Variants in ARHGAP24 observed in about 807,000 individuals in gnomAD.
ARHGAP24 encodes the protein Rho GTPase activating protein 24, also known as rho GTPase-activating protein 24.
In ARHGAP24, 50 loss-of-function variants were observed where a neutral mutation model predicts 76.4. The observed-to-expected ratio is 0.65, with a 90% confidence interval of 0.52 to 0.83. The LOEUF is 0.83. Among genes scored for constraint, ARHGAP24 ranks in the 40% least tolerant of loss-of-function variants. ARHGAP24 has a pLI of 0.00. For missense variants in ARHGAP24, 930 were observed against 914.2 expected, an observed-to-expected ratio of 1.02 and a Z score of -0.22; for synonymous variants, 345 against 323.3, an observed-to-expected ratio of 1.07 and a Z score of -0.72.
At chr4:85,683,124 G>GGGGGGGGGGGGGGT (rs1723284536) in intron 2 of ARHGAP24, among the ~76,000 whole-genome samples, 2 of 110,046 alleles carry the variant, frequency 1.8e-5, no homozygotes, top group East Asian at 4.0e-4. Flanking sequence ...GGGTGGGGGG[G>GGGGGGGGGGGGGGT]GGGTGCGGGG....
chr4:85,872,996 A>T (rs1196873021), intron 3 of ARHGAP24, among the ~76,000 whole-genome samples: 1 of 152,212 alleles, frequency 6.6e-6, no homozygotes, highest in African/African-American at 2.4e-5. Flanking sequence ...AAGCATCATT[A>T]GCCATAAGAT....
intron 5 of ARHGAP24, among the ~76,000 whole-genome samples, chr4:85,957,808 C>T (rs1738010688): frequency 6.6e-6 from 1 of 152,278 alleles, no homozygotes; most frequent in South Asian, 2.1e-4. Context: ...TGAGAAATAC[C>T]TCCATGAATG....
At chr4:85,968,483 A>G (rs1298340110) in intron 5 of ARHGAP24, among the ~76,000 whole-genome samples, 1 of 152,178 alleles carries the variant, frequency 6.6e-6, no homozygotes, top group African/African-American at 2.4e-5. Context: ...TTGGTTAAAC[A>G]TATTGAAGTA....
At chr4:85,789,044 G>C (rs916920812) in intron 3 of ARHGAP24, among the ~76,000 whole-genome samples, 5 of 151,946 alleles carry the variant, frequency 3.3e-5, no homozygotes, top group Non-Finnish European at 7.4e-5. Flanking sequence ...TGTGGCTGGA[G>C]CCCCTAGATA....
intron 8 of ARHGAP24, among the ~76,000 whole-genome samples, chr4:85,988,555 G>A (rs7679822): frequency 0.3 from 45,348 of 150,610 alleles, 7,582 homozygotes; most frequent in African/African-American, 0.45. Flanking sequence ...AATAAACTGA[G>A]GTATTAGGTA....
At chr4:85,919,375 C>T (rs966675424) in intron 3 of ARHGAP24, among the ~76,000 whole-genome samples, 3 of 152,262 alleles carry the variant, frequency 2.0e-5, no homozygotes, top group Middle Eastern at 3.4e-3. Context: ...ATGGCACTTT[C>T]AGTTAGAAAT....
intron 3 of ARHGAP24, among the ~76,000 whole-genome samples, chr4:85,753,368 C>T (rs1270442015): frequency 6.6e-6 from 1 of 152,138 alleles, no homozygotes; most frequent in Non-Finnish European, 1.5e-5. Flanking sequence ...GGAGGAAACT[C>T]AAGTACATAT....
chr4:85,750,205 C>T (rs1053157512), intron 3 of ARHGAP24, among the ~76,000 whole-genome samples: 1 of 152,048 alleles, frequency 6.6e-6, no homozygotes, highest in Non-Finnish European at 1.5e-5. Context: ...GTGATAAGTG[C>T]TATGTTTTTC....
At chr4:85,681,177 AT>A (rs1262986003) in intron 2 of ARHGAP24, among the ~76,000 whole-genome samples, 1 of 151,778 alleles carries the variant, frequency 6.6e-6, no homozygotes, top group East Asian at 1.9e-4. Flanking sequence ...TCTTTTCTCA[AT>A]TTTTTTATGA....
intron 2 of ARHGAP24, among the ~76,000 whole-genome samples, chr4:85,637,692 A>T (rs1721379637): frequency 6.6e-6 from 1 of 152,118 alleles, no homozygotes; most frequent in South Asian, 2.1e-4. Flanking sequence ...GTTGAAATAA[A>T]AATATTTTGA....
At chr4:85,557,216 G>A (rs768145677) in intron 1 of ARHGAP24, among the ~76,000 whole-genome samples, 1 of 151,062 alleles carries the variant, frequency 6.6e-6, no homozygotes, top group Non-Finnish European at 1.5e-5. Context: ...CCTGCAAGGT[G>A]CAGTGGAGGC....
intron 2 of ARHGAP24, among the ~76,000 whole-genome samples, chr4:85,625,624 C>T (rs1720917294): frequency 6.6e-6 from 1 of 152,064 alleles, no homozygotes; most frequent in South Asian, 2.1e-4. Context: ...TCCTGGATAT[C>T]CTTGTTAACT....
intron 2 of ARHGAP24, among the ~76,000 whole-genome samples, chr4:85,574,428 G>T (rs1181274099): frequency 6.6e-6 from 1 of 152,206 alleles, no homozygotes; most frequent in Non-Finnish European, 1.5e-5. Flanking sequence ...CCTGACCTGG[G>T]ATTTTGAAGG....
At chr4:85,946,805 T>C (rs979511904) in intron 5 of ARHGAP24, among the ~76,000 whole-genome samples, 1 of 152,236 alleles carries the variant, frequency 6.6e-6, no homozygotes, top group Non-Finnish European at 1.5e-5. Context: ...GGTGTATGTG[T>C]CTTTTTGCTA....
intron 3 of ARHGAP24, among the ~76,000 whole-genome samples, chr4:85,839,843 CTTTTTTTTTT>C (rs33974767): frequency 0.01 from 1,078 of 105,636 alleles, 18 homozygotes; most frequent in African/African-American, 0.039. Context: ...TTTCTGTTTT[CTTTTTTTTTT>C]TTTTTTTTTT....
At chr4:85,918,101 A>G (rs1735522664) in intron 3 of ARHGAP24, among the ~76,000 whole-genome samples, 1 of 152,124 alleles carries the variant, frequency 6.6e-6, no homozygotes, top group Non-Finnish European at 1.5e-5. Context: ...CATGGTTAAC[A>G]TCTGGAAATT....
rs1043404313 is a variant in ARHGAP24 at position 85,994,955 on chromosome 4, C to T, written c.1301C>T (p.Thr434Ile). ...PAFNKGSGIV[T>I]NGSFSSSNAE... Reference sequence around the variant, plus strand: ...TTTAATAAGGGTAGTGGGATAGTTACCAATGGGTCCTTCAGCAGCAGTAAT... The same window carrying T: ...TTTAATAAGGGTAGTGGGATAGTTATCAATGGGTCCTTCAGCAGCAGTAAT... The change falls in exon 9 of 10, where the codon ACC becomes ATC. Residue 434 changes from threonine to isoleucine, a missense_variant. Coordinates refer to ENST00000395184, the MANE Select transcript of ARHGAP24 (RefSeq NM_001025616.3). 1 of 1,614,044 alleles carries T rather than the reference C, an allele frequency of 6.2e-7. No homozygotes were observed. Among genetic ancestry groups the T allele is most frequent in the Non-Finnish European group, 8.5e-7 (1 of 1,180,002 alleles).
At chr4:85,905,562 A>G (rs564760056) in intron 3 of ARHGAP24, among the ~76,000 whole-genome samples, 27 of 152,208 alleles carry the variant, frequency 1.8e-4, no homozygotes, top group Non-Finnish European at 3.5e-4. Flanking sequence ...GTTTCCTTGA[A>G]AATGTCTGCA....
At chr4:85,785,161 A>C (rs2110089009) in intron 3 of ARHGAP24, among the ~76,000 whole-genome samples, 1 of 152,304 alleles carries the variant, frequency 6.6e-6, no homozygotes, top group East Asian at 1.9e-4. Context: ...GGGTGTCAAT[A>C]ATGAATAACC....
Sources: gnomAD v4.1 joint callset for allele counts (sites outside exome capture counted in the v4.1 genomes callset) on GRCh38, gnomAD v4.1.1 for gene constraint, MANE v1.5 for transcripts, NCBI Gene and HGNC (gene_info 2026-07-23, HGNC 2026-07-21) for gene names.